Variants in CCDC18 observed in about 807,000 individuals in gnomAD.
The protein encoded by CCDC18 is coiled-coil domain-containing protein 18.
In CCDC18, 157 loss-of-function variants were observed where a neutral mutation model predicts 196.0. That is an observed-to-expected ratio of 0.80 (90% CI 0.70 to 0.91). The LOEUF is 0.91. Ranked by LOEUF, CCDC18 falls within the 40% of genes least tolerant of loss-of-function variation. The pLI is 0.00. For synonymous variants in CCDC18, 482 were observed against 529.2 expected (o/e 0.91, Z 1.22); for missense variants, 1,465 against 1,611.6 (o/e 0.91, Z 1.56).
chr1:93,238,747 G>T (rs1660382287), intron 19 of CCDC18, among the ~76,000 whole-genome samples: 1 of 152,138 alleles, frequency 6.6e-6, no homozygotes, highest in East Asian at 1.9e-4. Flanking sequence ...AGTAAACCTG[G>T]CCCTATCACT....
intron 1 of CCDC18, among the ~76,000 whole-genome samples, chr1:93,181,976 A>G (rs1467093463): frequency 6.6e-6 from 1 of 152,226 alleles, no homozygotes. Context: ...TTAAGATGAA[A>G]TATATAGTAC....
rs546498444 is a variant in CCDC18, at chr1:93,266,983, C to T, written c.3885+2082C>T. Reference sequence around the variant, plus strand: ...TCCTGATACCAAGGCCTGGCAGAGACGCAACAAAAAAAGAGAATTTTAGAC... The same window carrying T: ...TCCTGATACCAAGGCCTGGCAGAGATGCAACAAAAAAAGAGAATTTTAGAC... On this transcript the variant is annotated intron_variant, in intron 27 of 28. Coordinates refer to ENST00000690025, the MANE Select transcript of CCDC18 (RefSeq NM_001378204.1). Among the ~76,000 whole-genome samples the T allele has an allele frequency of 8.9e-4, 135 of 152,046 alleles. 1 individual carries two copies. The highest frequency in any genetic ancestry group is 1.5e-3 in the Non-Finnish European group (100 of 68,002).
chr1:93,268,758 T>C (rs1021397305), intron 27 of CCDC18, among the ~76,000 whole-genome samples: 10 of 151,942 alleles, frequency 6.6e-5, no homozygotes, highest in African/African-American at 2.2e-4. Flanking sequence ...ATGGTGATCA[T>C]TAAAAAGTCA....
At chr1:93,196,502 G>T (rs1325917294) in intron 6 of CCDC18, among the ~76,000 whole-genome samples, 2 of 152,084 alleles carry the variant, frequency 1.3e-5, no homozygotes, top group Non-Finnish European at 2.9e-5. Flanking sequence ...CTCTAAACCA[G>T]CAAGATATAA....
At chr1:93,233,441 G>A (rs1310563858) in intron 18 of CCDC18, among the ~76,000 whole-genome samples, 1 of 152,056 alleles carries the variant, frequency 6.6e-6, no homozygotes, top group Non-Finnish European at 1.5e-5. Context: ...TTACAGTAAT[G>A]TGTAAATTAG....
chr1:93,220,857 A>G (rs1247472714), intron 14 of CCDC18, among the ~76,000 whole-genome samples: 1 of 151,936 alleles, frequency 6.6e-6, no homozygotes, highest in Non-Finnish European at 1.5e-5. Flanking sequence ...TTCAGCTCCC[A>G]CTTATAAGTG....
intron 1 of CCDC18, 28 bp downstream of exon 1, chr1:93,180,880 G>A: frequency 1.5e-6 from 2 of 1,365,836 alleles, no homozygotes; most frequent in Non-Finnish European, 2.0e-6. Context: ...GACGATTTGG[G>A]TGGTGAGCGA....
At position 93,270,676 on chromosome 1, in the gene CCDC18, A is replaced by G; in HGVS notation, c.4215A>G (p.Lys1405=). ...NLTYTQPDSF[K]PLTYNLEADS... ...CTTACACCCAGCCAGACTCATTTAA[A>G]CCTCTCACATATAACCTAGAAGCTG... The change falls in exon 28 of 29, where the codon AAA becomes AAG. Residue 1405 remains lysine, a synonymous_variant. Coordinates refer to ENST00000690025, the MANE Select transcript of CCDC18 (RefSeq NM_001378204.1). The G allele has an allele frequency of 6.5e-7, 1 of 1,550,320 alleles. No individual in the cohort carries two copies. The highest frequency in any genetic ancestry group is 1.7e-4 in the Middle Eastern group (1 of 5,986).
intron 2 of CCDC18, 30 bp downstream of exon 2, chr1:93,183,525 A>T (rs1286282908): frequency 6.5e-7 from 1 of 1,531,272 alleles, no homozygotes; most frequent in Non-Finnish European, 8.8e-7. Context: ...TATAGAATTC[A>T]CTGTGCCTTA....
At chr1:93,218,127 T>A (rs906064962) in intron 14 of CCDC18, among the ~76,000 whole-genome samples, 1 of 152,142 alleles carries the variant, frequency 6.6e-6, no homozygotes, top group Admixed American at 6.5e-5. Context: ...CCTAAAAATA[T>A]CAGTTGCTTG....
intron 6 of CCDC18, among the ~76,000 whole-genome samples, chr1:93,196,572 C>A (rs568071174): frequency 2.0e-5 from 3 of 152,206 alleles, no homozygotes; most frequent in African/African-American, 7.2e-5. Context: ...AAAAATAACA[C>A]AATTTCAAGG....
In CCDC18 at chr1:93,278,510, G is replaced by A. The variant is rs1206568223; in HGVS notation, c.*33G>A. ...AAGATACTGATGTGTTGAAAAAATG[G>A]AATTTTTGGTACTGTGCTGTTTACT... On this transcript the variant is annotated 3_prime_UTR_variant, in exon 29 of 29. Transcript: ENST00000690025. 5.6e-6 allele frequency: 7 copies of A among 1,257,000 alleles called. No individual in the cohort carries two copies. The highest frequency in any genetic ancestry group is 7.5e-6 in the Non-Finnish European group (7 of 929,450). The allele number at this position is 1,257,000 out of a possible 1,614,324, so 77.9% of individuals were successfully genotyped here. A position where few individuals can be genotyped will look rare whatever the true frequency, so the allele number is the denominator to read the frequency against.
At chr1:93,224,114 C>CA (rs1223961331) in intron 16 of CCDC18, among the ~76,000 whole-genome samples, 1 of 151,950 alleles carries the variant, frequency 6.6e-6, no homozygotes, top group Non-Finnish European at 1.5e-5. Flanking sequence ...TTCAAGCCCA[C>CA]AAAAAATTGA....
chr1:93,225,197 A>G (rs1658081678), intron 16 of CCDC18, among the ~76,000 whole-genome samples: 1 of 152,228 alleles, frequency 6.6e-6, no homozygotes, highest in African/African-American at 2.4e-5. Context: ...GAAGAACACC[A>G]TTGAGAAGCT....
intron 11 of CCDC18, among the ~76,000 whole-genome samples, chr1:93,213,115 C>T (rs184135748): frequency 3.6e-4 from 55 of 152,170 alleles, no homozygotes; most frequent in Admixed American, 9.8e-4. Context: ...GTAATGCGAG[C>T]GATTGGGAGT....
intron 23 of CCDC18, among the ~76,000 whole-genome samples, chr1:93,253,202 G>C (rs1662497369): frequency 6.6e-6 from 1 of 152,240 alleles, no homozygotes; most frequent in Non-Finnish European, 1.5e-5. Context: ...TGAGGAGCTA[G>C]AGTTGAGACT....
chr1:93,257,231 C>CAAAAAAAAAAAAAAAAAA (rs71586787), intron 25 of CCDC18, among the ~76,000 whole-genome samples: 2 of 46,520 alleles, frequency 4.3e-5, no homozygotes, highest in African/African-American at 1.7e-4. Flanking sequence ...GACTCCATCT[C>CAAAAAAAAAAAAAAAAAA]AAAAAAAAAA....
chr1:93,270,998 C>A (rs2296558), intron 28 of CCDC18, 184 bp downstream of exon 28: 1 of 982,748 alleles, frequency 1.0e-6, no homozygotes, highest in Non-Finnish European at 1.2e-6. Flanking sequence ...TGGTGTGAGA[C>A]AATACGGGGA....
chr1:93,246,432 C>T (rs1008762399), intron 22 of CCDC18, among the ~76,000 whole-genome samples: 1 of 152,078 alleles, frequency 6.6e-6, no homozygotes, highest in Non-Finnish European at 1.5e-5. Context: ...CTTTTGATCT[C>T]TTATATTACC....
Sources: allele counts gnomAD v4.1 joint callset (sites outside exome capture counted in the v4.1 genomes callset), GRCh38; gene constraint gnomAD v4.1.1; transcripts MANE v1.5; gene names NCBI Gene and HGNC (gene_info 2026-07-23, HGNC 2026-07-21).